Variants in PDE11A observed in about 807,000 individuals in gnomAD.
PDE11A encodes the protein dual 3',5'-cyclic-AMP and -GMP phosphodiesterase 11A.
A neutral mutation model predicts 100.5 loss-of-function variants in PDE11A; 100 were observed. The observed-to-expected ratio is 1.00, with a 90% CI of 0.85 to 1.18. The LOEUF is 1.18. PDE11A is among the 50% of genes most tolerant of loss of function. The probability of loss-of-function intolerance (pLI) is 0.00; values close to 1 mark genes in which losing one functional copy is unlikely to be tolerated. For missense variants in PDE11A, 1,141 were observed against 1,152.6 expected (o/e 0.99, Z 0.15); for synonymous variants, 381 against 420.8 (o/e 0.91, Z 1.16).
At chr2:177,812,663 C>G (rs1370659) in intron 9 of PDE11A, among the ~76,000 whole-genome samples, 1 of 151,880 alleles carries the variant, frequency 6.6e-6, no homozygotes, top group Non-Finnish European at 1.5e-5. Flanking sequence ...CCAGAGACCA[C>G]CCAAAACATG....
intron 1 of PDE11A, among the ~76,000 whole-genome samples, chr2:178,071,208 T>C (rs1180804692): frequency 6.6e-6 from 1 of 152,084 alleles, no homozygotes; most frequent in Non-Finnish European, 1.5e-5. Context: ...CATTGACATA[T>C]TAAAGAGAGG....
Position 177,840,334 on chromosome 2 carries a change from T to C in PDE11A, c.1417A>G (p.Asn473Asp), listed in dbSNP as rs561899402. ...KSSYSDWLIN[N>D]SIAELVASTG... Reference sequence around the variant, plus strand: ...GAAGCAACCAGCTCAGCAATGCTGTTATTTATTAGCCAGTCGGAGTATGAT... The same window carrying C: ...GAAGCAACCAGCTCAGCAATGCTGTCATTTATTAGCCAGTCGGAGTATGAT... The change falls in exon 6 of 20, where the codon AAC (asparagine) becomes GAC (aspartate). Residue 473 changes from asparagine to aspartate, a missense_variant. Physicochemically the swap from Asn to Asp is conservative, Grantham distance 23. Coordinates refer to ENST00000286063, the MANE Select transcript of PDE11A (RefSeq NM_016953.4). The C allele has an allele frequency of 6.2e-7, 1 of 1,613,580 alleles. No homozygotes were observed. Among genetic ancestry groups the C allele is most frequent in the East Asian group, 2.2e-5 (1 of 44,874 alleles).
intron 9 of PDE11A, among the ~76,000 whole-genome samples, chr2:177,775,451 G>A (rs1290127222): frequency 1.3e-5 from 2 of 152,172 alleles, no homozygotes; most frequent in Non-Finnish European, 2.9e-5. Flanking sequence ...AAAGTCACCA[G>A]TGGCTTCCCA....
At chr2:177,944,214 A>T (rs890690832) in intron 2 of PDE11A, among the ~76,000 whole-genome samples, 2 of 152,218 alleles carry the variant, frequency 1.3e-5, no homozygotes, top group Non-Finnish European at 2.9e-5. Context: ...ACCTGGACCC[A>T]TCTTTTCCTT....
At chr2:177,872,705 T>C (rs1351170625) in intron 5 of PDE11A, among the ~76,000 whole-genome samples, 1 of 152,166 alleles carries the variant, frequency 6.6e-6, no homozygotes, top group Middle Eastern at 3.2e-3. Context: ...ACATCATCTA[T>C]AGTGATGATG....
rs868034590 is a variant in PDE11A, at chr2:177,845,177, C to A, written c.1368-4794G>T. 5.3e-5 allele frequency among the ~76,000 whole-genome samples: 8 copies of A among 151,140 alleles called. No homozygotes were observed. The South Asian group carries it at 1.5e-3, about 28-fold the overall frequency. On this transcript the variant is annotated intron_variant, in intron 5 of 19. Coordinates refer to ENST00000286063, the MANE Select transcript of PDE11A (RefSeq NM_016953.4). Reference sequence around the variant, plus strand: ...CTGGCCGGGCGGGGGGCTGACCCCCCCCACCTCCCTCCCGGACGGGGTGGC... The same window carrying A: ...CTGGCCGGGCGGGGGGCTGACCCCCACCACCTCCCTCCCGGACGGGGTGGC...
At chr2:177,923,510 T>C (rs879699434) in intron 2 of PDE11A, among the ~76,000 whole-genome samples, 4 of 152,202 alleles carry the variant, frequency 2.6e-5, no homozygotes, top group Non-Finnish European at 5.9e-5. Flanking sequence ...CTCACTCTCA[T>C]TGACCTAAAT....
chr2:177,984,498 T>C (rs2085918770), intron 2 of PDE11A, among the ~76,000 whole-genome samples: 1 of 152,194 alleles, frequency 6.6e-6, no homozygotes. Flanking sequence ...CTTTATGTTT[T>C]TATTCTTGAT....
intron 5 of PDE11A, among the ~76,000 whole-genome samples, chr2:177,853,635 C>CATATATAT (rs371434526): frequency 2.8e-4 from 10 of 36,208 alleles, no homozygotes; most frequent in Non-Finnish European, 3.5e-4. Flanking sequence ...ACAAGTCCTG[C>CATATATAT]ATATATATAT....
In PDE11A at chr2:178,072,389, T is replaced by C; in HGVS notation, c.49A>G (p.Arg17Gly). ...DFGEVETFLD[R>G]HPELFEDYLM... The stretch of plus-strand genomic sequence containing the variant: ...TAATCTTCAAACAACTCTGGGTGCC[T>C]GTCCAGGAAAGTTTCCACCTCCCCA... Residue 17 changes from arginine to glycine, a missense_variant, in exon 1 of 20, where the codon AGG becomes GGG. Physicochemically the swap from Arg to Gly is moderately radical, Grantham distance 125. Transcript: ENST00000286063. 1.2e-6 allele frequency: 2 copies of C among 1,613,778 alleles called. No individual in the cohort carries two copies. The highest frequency in any genetic ancestry group is 3.3e-4 in the Middle Eastern group (2 of 6,062).
At chr2:177,743,365 A>G (rs964671797) in intron 10 of PDE11A, among the ~76,000 whole-genome samples, 2 of 152,256 alleles carry the variant, frequency 1.3e-5, no homozygotes. Context: ...TAAAGAGGGC[A>G]TGAAACTTGT....
rs147819014 is a variant in PDE11A at position 177,932,759 on chromosome 2, C to A, written c.1072-27572G>T. Among the ~76,000 whole-genome samples, 492 of 151,350 alleles carry A rather than the reference C, an allele frequency of 3.3e-3. 7 individuals are homozygous for A. Among genetic ancestry groups the A allele is most frequent in the East Asian group, 0.014 (73 of 5,132 alleles). On this transcript the variant is annotated intron_variant, in intron 2 of 19. Transcript: ENST00000286063. Reference sequence around the variant, plus strand: ...ATTCCTCTTGAGAACTAGAATAAGACAAGGATCCCCACTCTCACCACTCCT... The same window carrying A: ...ATTCCTCTTGAGAACTAGAATAAGAAAAGGATCCCCACTCTCACCACTCCT...
chr2:177,850,991 AT>A (rs2083690870), intron 5 of PDE11A, among the ~76,000 whole-genome samples: 1 of 152,242 alleles, frequency 6.6e-6, no homozygotes, highest in Non-Finnish European at 1.5e-5. Context: ...CTCCTCAAGG[AT>A]CTAGAACTAG....
chr2:177,722,702 A>G (rs1270581885), intron 12 of PDE11A, among the ~76,000 whole-genome samples: 2 of 152,198 alleles, frequency 1.3e-5, no homozygotes, highest in Non-Finnish European at 2.9e-5. Context: ...TGTTCTGCAA[A>G]AACATTTAAA....
At chr2:177,963,620 A>G (rs962553876) in intron 2 of PDE11A, among the ~76,000 whole-genome samples, 7 of 152,210 alleles carry the variant, frequency 4.6e-5, no homozygotes, top group African/African-American at 1.4e-4. Flanking sequence ...GTAGATCCAG[A>G]GAAACACCCA....
At chr2:178,013,498 T>C (rs1002562149) in intron 2 of PDE11A, among the ~76,000 whole-genome samples, 1 of 152,218 alleles carries the variant, frequency 6.6e-6, no homozygotes, top group African/African-American at 2.4e-5. Context: ...ATTTAATGCA[T>C]TTGTAATTAG....
intron 15 of PDE11A, among the ~76,000 whole-genome samples, chr2:177,681,329 T>G (rs2080860396): frequency 6.6e-6 from 1 of 152,246 alleles, no homozygotes; most frequent in African/African-American, 2.4e-5. Context: ...ATAAACTCCC[T>G]GGTAGTAAAT....
chr2:177,638,698 G>A (rs190955835), intron 19 of PDE11A, among the ~76,000 whole-genome samples: 5 of 152,014 alleles, frequency 3.3e-5, no homozygotes, highest in Admixed American at 2.0e-4. Flanking sequence ...TTTCAGCTGC[G>A]CAAGCTGGGT....
chr2:177,802,917 G>T (rs562489309), intron 9 of PDE11A, among the ~76,000 whole-genome samples: 1 of 151,910 alleles, frequency 6.6e-6, no homozygotes, highest in Non-Finnish European at 1.5e-5. Flanking sequence ...TTAAAAATTT[G>T]CTAATGAAAA....
Sources: gnomAD v4.1 joint callset for allele counts (sites outside exome capture counted in the v4.1 genomes callset) on GRCh38, gnomAD v4.1.1 for gene constraint, MANE v1.5 for transcripts, NCBI Gene and HGNC (gene_info 2026-07-23, HGNC 2026-07-21) for gene names.